NAV3: variants seen among roughly 807,000 people sequenced by gnomAD.
NAV3 encodes pore membrane and/or filament interacting like protein 1.
A neutral mutation model predicts 244.7 loss-of-function variants in NAV3; 87 were observed. That is an observed-to-expected ratio of 0.36 (90% confidence interval 0.30 to 0.42). The LOEUF is 0.42. NAV3 is among the 20% of genes least tolerant of loss of function. NAV3 has a pLI of 1.00. For synonymous variants in NAV3, 1,126 were observed against 1,042.2 expected, an observed-to-expected ratio of 1.08 and a Z score of -1.55; for missense variants, 2,663 against 2,893.3, an observed-to-expected ratio of 0.92 and a Z score of 1.83.
chr12:77,879,298 A>C (rs1677917), intron 1 of NAV3, among the ~76,000 whole-genome samples: 136,311 of 152,120 alleles, frequency 0.9, 61,133 homozygotes, highest in East Asian at 1. Flanking sequence ...AGATTTATGT[A>C]CACAGAATTT....
rs531591482 is a variant in NAV3, at chr12:77,977,742, T to A, written c.671+9040T>A. ...CACACACACACACACACACACACAC[T>A]CTCTTCAGAATCAAGTAATATACTC... is the stretch of plus-strand genomic sequence containing the variant. On this transcript the variant is annotated intron_variant, in intron 5 of 39. Coordinates refer to ENST00000397909, the MANE Select transcript of NAV3 (RefSeq NM_001024383.2). Among the ~76,000 whole-genome samples the A allele has an allele frequency of 2.7e-4, 35 of 129,866 alleles. No individual in the cohort carries two copies. In the East Asian group the frequency reaches 3.7e-3, roughly 14 times the overall value. 85.2% of individuals were successfully genotyped at this position (129,866 alleles called of 152,430 possible). A position where few individuals can be genotyped will look rare whatever the true frequency, so the allele number is the denominator to read the frequency against.
chr12:77,865,780 C>A (rs1269762681), intron 1 of NAV3, among the ~76,000 whole-genome samples: 1 of 101,472 alleles, frequency 9.9e-6, no homozygotes, highest in African/African-American at 3.6e-5. Context: ...CATATATATG[C>A]ATATACACGT....
intron 2 of NAV3, among the ~76,000 whole-genome samples, chr12:77,579,035 A>G (rs1415815951): frequency 2.6e-5 from 4 of 152,172 alleles, no homozygotes; most frequent in African/African-American, 9.6e-5. Context: ...TGAGGAAGCT[A>G]TATATACATG....
At chr12:77,641,015 C>G (rs1351636305) in intron 2 of NAV3, among the ~76,000 whole-genome samples, 1 of 152,082 alleles carries the variant, frequency 6.6e-6, no homozygotes, top group Non-Finnish European at 1.5e-5. Context: ...CTTTACATAG[C>G]AAGCAGCTTC....
At chr12:78,040,538 A>C (rs564602877) in intron 9 of NAV3, among the ~76,000 whole-genome samples, 1 of 152,186 alleles carries the variant, frequency 6.6e-6, no homozygotes, top group Admixed American at 6.6e-5. Context: ...AACGTTCTTA[A>C]AATTAATATG....
At chr12:78,098,337 C>T (rs542501008) in intron 12 of NAV3, among the ~76,000 whole-genome samples, 7 of 152,074 alleles carry the variant, frequency 4.6e-5, no homozygotes, top group African/African-American at 1.7e-4. Flanking sequence ...AAAATAATCT[C>T]TCCACACACT....
chr12:77,640,198 A>G (rs1028182380), intron 2 of NAV3, among the ~76,000 whole-genome samples: 5 of 152,154 alleles, frequency 3.3e-5, no homozygotes, highest in Non-Finnish European at 7.4e-5. Flanking sequence ...ACTGTAAAAA[A>G]GAAATGATGC....
intron 12 of NAV3, among the ~76,000 whole-genome samples, chr12:78,080,424 T>C: frequency 6.6e-6 from 1 of 152,234 alleles, no homozygotes; most frequent in East Asian, 1.9e-4. Flanking sequence ...GAAATATACT[T>C]TTAAAATAAA....
chr12:77,649,864 C>CTT (rs1872751265), intron 2 of NAV3, among the ~76,000 whole-genome samples: 1 of 152,012 alleles, frequency 6.6e-6, no homozygotes. Context: ...GTTTTATTTT[C>CTT]TTTACCAAGA....
intron 2 of NAV3, among the ~76,000 whole-genome samples, chr12:77,742,616 A>T (rs548194105): frequency 6.6e-6 from 1 of 152,080 alleles, no homozygotes; most frequent in East Asian, 1.9e-4. Context: ...TATTATAAAC[A>T]GTTAAAATGT....
At chr12:78,064,458 CCTGCCTGT>C (rs1245756690) in intron 12 of NAV3, among the ~76,000 whole-genome samples, 1 of 151,538 alleles carries the variant, frequency 6.6e-6, no homozygotes, top group African/African-American at 2.4e-5. Flanking sequence ...TGCCTGCCTG[CCTGCCTGT>C]CTGTCTATAT....
intron 1 of NAV3, among the ~76,000 whole-genome samples, chr12:77,846,200 C>T (rs1219844053): frequency 6.6e-6 from 1 of 152,094 alleles, no homozygotes; most frequent in East Asian, 1.9e-4. Flanking sequence ...AGATCCTCCT[C>T]CATTAAAATC....
At chr12:77,824,780 C>G (rs1248456508) in intron 2 of NAV3, among the ~76,000 whole-genome samples, 1 of 151,866 alleles carries the variant, frequency 6.6e-6, no homozygotes, top group Non-Finnish European at 1.5e-5. Flanking sequence ...GTAATCCAAG[C>G]TACTTGGGAG....
chr12:77,583,929 A>G (rs1007304883), intron 2 of NAV3, among the ~76,000 whole-genome samples: 9 of 152,162 alleles, frequency 5.9e-5, no homozygotes, highest in Admixed American at 3.9e-4. Flanking sequence ...CAAGTACAGT[A>G]CTACCTATCT....
chr12:77,661,171 A>G lies in NAV3; in HGVS notation c.72+88905A>G, dbSNP rs575244602. 2.6e-5 allele frequency among the ~76,000 whole-genome samples: 4 copies of G among 152,258 alleles called. No individual in the cohort carries two copies. The South Asian group carries it at 6.2e-4, about 24-fold the overall frequency. ...TTGAATAACTGGAAAACTGTTTTTC[A>G]TTGTGGACGTACCGTTTTACATTCC... On this transcript the variant is annotated intron_variant, in intron 2 of 8. Transcript: ENST00000550042.
intron 5 of NAV3, among the ~76,000 whole-genome samples, chr12:77,989,555 A>G (rs957701979): frequency 6.6e-6 from 1 of 152,306 alleles, no homozygotes; most frequent in Non-Finnish European, 1.5e-5. Context: ...ACACTTATGT[A>G]GCAACAGGCC....
At chr12:78,130,886 A>G (rs1314896757) in intron 18 of NAV3, 2 of 190,928 alleles carry the variant, frequency 1.0e-5, no homozygotes, top group Non-Finnish European at 2.3e-5. Flanking sequence ...ACCTCTTTCC[A>G]GGGCTTGGAC....
At chr12:78,154,759 CT>C (rs1395618414) in intron 22 of NAV3, among the ~76,000 whole-genome samples, 3 of 151,952 alleles carry the variant, frequency 2.0e-5, no homozygotes, top group Admixed American at 6.6e-5. Flanking sequence ...AACAACCCCC[CT>C]GAAAATCCAT....
chr12:78,210,808 A>G lies in NAV3; in HGVS notation c.*291A>G, dbSNP rs1007674383. The G allele has an allele frequency of 1.2e-4, 38 of 325,618 alleles. No individual in the cohort carries two copies. Among genetic ancestry groups the G allele is most frequent in the African/African-American group, 7.9e-4 (36 of 45,838 alleles). The allele number at this position is 325,618 out of a possible 1,614,324, so 20.2% of individuals were successfully genotyped here. On this transcript the variant is annotated 3_prime_UTR_variant, in exon 40 of 40. Transcript: ENST00000397909. ...GACAGGGCAACTGAACAGATTGCAC[A>G]TGGGATAGCCAAACTGGACTTTCTT...
Sources: allele counts gnomAD v4.1 joint callset (sites outside exome capture counted in the v4.1 genomes callset), GRCh38; gene constraint gnomAD v4.1.1; transcripts MANE v1.5; gene names NCBI Gene and HGNC (gene_info 2026-07-23, HGNC 2026-07-21).